Variants in KALRN observed in about 807,000 individuals in gnomAD.
The protein encoded by KALRN is kalirin.
A neutral mutation model predicts 353.7 loss-of-function variants in KALRN; 70 were observed. That is an observed-to-expected ratio of 0.20 (90% confidence interval 0.16 to 0.24). KALRN has a LOEUF of 0.24. Among genes scored for constraint, KALRN ranks in the 10% least tolerant of loss-of-function variants. The pLI is 1.00. For synonymous variants in KALRN, 1,391 were observed against 1,434.8 expected (o/e 0.97, Z 0.69); for missense variants, 2,791 against 3,756.7 (o/e 0.74, Z 6.72).
intron 34 of KALRN, among the ~76,000 whole-genome samples, chr3:124,566,191 C>T (rs533447585): frequency 5.3e-5 from 8 of 152,222 alleles, no homozygotes; most frequent in East Asian, 3.9e-4. Flanking sequence ...CAGAGGTCCC[C>T]GACTCCCAAC....
intron 34 of KALRN, among the ~76,000 whole-genome samples, chr3:124,610,684 C>G (rs333330): frequency 0.16 from 24,858 of 151,686 alleles, 4,859 homozygotes; most frequent in African/African-American, 0.45. Context: ...GATATCAAAG[C>G]AAATAATACA....
intron 15 of KALRN, among the ~76,000 whole-genome samples, chr3:124,423,635 G>C (rs1423209661): frequency 6.6e-6 from 1 of 152,172 alleles, no homozygotes; most frequent in African/African-American, 2.4e-5. Context: ...CAACACTTTG[G>C]GAGGCCAAGG....
intron 34 of KALRN, among the ~76,000 whole-genome samples, chr3:124,604,076 G>A (rs1471664671): frequency 6.6e-6 from 1 of 151,778 alleles, no homozygotes; most frequent in Admixed American, 6.6e-5. Context: ...TGAAACATGG[G>A]TGGTAGACCC....
At chr3:124,351,340 G>C (rs1253180978) in intron 10 of KALRN, among the ~76,000 whole-genome samples, 1 of 152,112 alleles carries the variant, frequency 6.6e-6, no homozygotes, top group Non-Finnish European at 1.5e-5. Flanking sequence ...TAGGAGCCTG[G>C]GGTAACTTAT....
At chr3:124,313,179 C>G (rs2078453971) in intron 6 of KALRN, among the ~76,000 whole-genome samples, 1 of 152,204 alleles carries the variant, frequency 6.6e-6, no homozygotes, top group Non-Finnish European at 1.5e-5. Context: ...CCAGGAACTA[C>G]CAGACTGCAT....
intron 14 of KALRN, among the ~76,000 whole-genome samples, chr3:124,420,692 A>G (rs3755667): frequency 0.066 from 10,109 of 152,238 alleles, 801 homozygotes; most frequent in African/African-American, 0.18. Flanking sequence ...AAACATGAAA[A>G]GATACTGAAA....
intron 34 of KALRN, among the ~76,000 whole-genome samples, chr3:124,580,616 T>A (rs2074535738): frequency 1.3e-5 from 2 of 152,192 alleles, no homozygotes; most frequent in African/African-American, 4.8e-5. Flanking sequence ...TGGTCACATA[T>A]CTGATGTGGA....
At chr3:124,495,729 T>TAAAAAAA (rs1170201040) in intron 32 of KALRN, among the ~76,000 whole-genome samples, 7 of 68,218 alleles carry the variant, frequency 1.0e-4, no homozygotes, top group African/African-American at 3.6e-4. Flanking sequence ...GACTCCATCT[T>TAAAAAAA]AAAAAAAAAA....
intron 10 of KALRN, among the ~76,000 whole-genome samples, chr3:124,367,488 G>A (rs796374152): frequency 3.0e-5 from 2 of 67,660 alleles, no homozygotes; most frequent in African/African-American, 5.6e-5. Context: ...CCTCCCGGAC[G>A]GGGCAGCTGG....
rs1411994764 is a variant in KALRN, at chr3:124,717,348, A to G, written c.8378A>G (p.Tyr2793Cys). Reference sequence around the variant, plus strand: ...CGAGACATCATGGAGGCTCTGCAGTACCTTCACAACTGCAGGGTTGCACAT... The same window carrying G: ...CGAGACATCATGGAGGCTCTGCAGTGCCTTCACAACTGCAGGGTTGCACAT... ...YIRDIMEALQ[Y>C]LHNCRVAHLD... Residue 2793 changes from tyrosine to cysteine, a missense_variant, in exon 59 of 60, where the codon TAC becomes TGC. Tyr to Cys is a radical substitution (Grantham distance 194, BLOSUM62 -2). Coordinates refer to ENST00000682506, the MANE Select transcript of KALRN (RefSeq NM_001388419.1). 4.3e-6 allele frequency: 7 copies of G among 1,611,154 alleles called. No homozygotes were observed. The highest frequency in any genetic ancestry group is 5.9e-6 in the Non-Finnish European group (7 of 1,178,406).
intron 1 of KALRN, among the ~76,000 whole-genome samples, chr3:124,112,642 CT>C (rs1386079471): frequency 2.6e-5 from 4 of 152,102 alleles, no homozygotes; most frequent in African/African-American, 9.7e-5. Flanking sequence ...ATCTTTCCAC[CT>C]TCTGTTTTCC....
Position 124,461,785 on chromosome 3 carries a change from TA to T in KALRN, c.3855-103del, listed in dbSNP as rs759149427. The T allele has an allele frequency of 2.7e-5, 21 of 784,212 alleles. 1 individual carries two copies. Among genetic ancestry groups the T allele is most frequent in the Non-Finnish European group, 3.9e-5 (18 of 466,376 alleles). The allele number at this position is 784,212 out of a possible 1,614,324, so 48.6% of individuals were successfully genotyped here. A position where few individuals can be genotyped will look rare whatever the true frequency, so the allele number is the denominator to read the frequency against. The stretch of plus-strand genomic sequence containing the variant: ...AAGACCTGTTGATGAAGTAGAAAAA[TA>T]AGACATTTAAGAATGTCATACATGC... On this transcript the variant is annotated intron_variant, in intron 23 of 59. Coordinates refer to ENST00000682506, the MANE Select transcript of KALRN (RefSeq NM_001388419.1).
chr3:124,282,565 T>C (rs1440754693), intron 5 of KALRN, among the ~76,000 whole-genome samples: 4 of 152,042 alleles, frequency 2.6e-5, no homozygotes, highest in African/African-American at 7.2e-5. Flanking sequence ...TTAGTAGAGA[T>C]GGGGTTTCTC....
intron 25 of KALRN, among the ~76,000 whole-genome samples, chr3:124,467,204 T>C (rs2060425544): frequency 6.6e-6 from 1 of 152,090 alleles, no homozygotes; most frequent in South Asian, 2.1e-4. Context: ...CCAGGAGCAG[T>C]GAGGGGTGAG....
chr3:124,316,623 T>C (rs77430545), intron 6 of KALRN, among the ~76,000 whole-genome samples: 2,938 of 152,346 alleles, frequency 0.019, 39 homozygotes, highest in Middle Eastern at 0.034. Flanking sequence ...AGGGTCAAGC[T>C]CAGGGGTCAC....
At chr3:124,717,474 C>T (rs2063191578) in intron 59 of KALRN, 89 bp downstream of exon 59, 1 of 833,274 alleles carries the variant, frequency 1.2e-6, no homozygotes, top group Admixed American at 2.8e-5. Context: ...ATCACAAGGT[C>T]AGGAGATCGA....
intron 3 of KALRN, among the ~76,000 whole-genome samples, chr3:124,237,958 G>A (rs1264087927): frequency 6.6e-6 from 1 of 152,112 alleles, no homozygotes; most frequent in Non-Finnish European, 1.5e-5. Flanking sequence ...CAAACTTAAT[G>A]GCCATTTGGG....
At chr3:124,377,516 G>A (rs374505542) in intron 10 of KALRN, among the ~76,000 whole-genome samples, 6 of 151,312 alleles carry the variant, frequency 4.0e-5, no homozygotes, top group East Asian at 1.9e-4. Flanking sequence ...AAGAATATGC[G>A]TTCAGCTGTT....
At chr3:124,628,523 T>TCCTTCCTTC (rs1205329848) in intron 34 of KALRN, among the ~76,000 whole-genome samples, 1 of 97,572 alleles carries the variant, frequency 1.0e-5, no homozygotes, top group Non-Finnish European at 2.2e-5. Flanking sequence ...TCCCTTCCTT[T>TCCTTCCTTC]CCTTCCTTCC....
Sources: allele counts gnomAD v4.1 joint callset (sites outside exome capture counted in the v4.1 genomes callset), GRCh38; gene constraint gnomAD v4.1.1; transcripts MANE v1.5; gene names NCBI Gene and HGNC (gene_info 2026-07-23, HGNC 2026-07-21).